The following FOXP1 variants were observed in gnomAD, a reference collection of about 807,000 sequenced individuals.
FOXP1 encodes the protein forkhead box P1.
FOXP1 carries 15 observed loss-of-function variants against 98.2 expected under a neutral mutation model. That is an observed-to-expected ratio of 0.15 (90% CI 0.10 to 0.24). The LOEUF (loss-of-function observed/expected upper bound fraction) is 0.24. FOXP1 is among the 10% of genes least tolerant of loss of function. The pLI, the probability that FOXP1 is intolerant of heterozygous loss-of-function variation, is 1.00. For missense variants in FOXP1, 633 were observed against 848.5 expected (o/e 0.75, Z 3.15); for synonymous variants, 371 against 314.5 (o/e 1.18, Z -1.90).
intron 4 of FOXP1, among the ~76,000 whole-genome samples, chr3:71,313,640 C>G (rs1453949417): frequency 6.6e-6 from 1 of 152,034 alleles, no homozygotes; most frequent in African/African-American, 2.4e-5. Context: ...ATTCTCCTGC[C>G]TCAGCCTCCC....
Position 71,015,327 on chromosome 3 carries a change from A to G in FOXP1, c.974+222T>C, listed in dbSNP as rs567225453. Among the ~76,000 whole-genome samples, 12 of 152,208 alleles carry G rather than the reference A, an allele frequency of 7.9e-5. 1 individual carries two copies. The South Asian group carries it at 2.5e-3, about 32-fold the overall frequency. ...AAATGGGTAAATATGGGCTCTTACT[A>G]AGACTTACGCCTTTGAATGTAAGCC... On this transcript the variant is annotated intron_variant, in intron 12 of 20. Coordinates refer to ENST00000649528, the MANE Select transcript of FOXP1 (RefSeq NM_001349338.3).
chr3:70,967,694 T>TTTTTGTTTTTG (rs1440567947), intron 19 of FOXP1, among the ~76,000 whole-genome samples: 3 of 109,682 alleles, frequency 2.7e-5, no homozygotes, highest in African/African-American at 8.5e-5. Context: ...TTTGTTTTTT[T>TTTTTGTTTTTG]TTTTTGTTTT....
upstream of FOXP1, chr3:71,583,784 TC>T (rs1248626123): frequency 3.0e-6 from 3 of 986,310 alleles, no homozygotes; most frequent in East Asian, 2.3e-4. Flanking sequence ...CGGACTAGCT[TC>T]CCGGAGCCCA....
Position 70,958,292 on chromosome 3 carries a change from G to GT in FOXP1, c.*954dup. The stretch of plus-strand genomic sequence containing the variant: ...CTGCTGCGTGGAATGAATCGGCATT[G>GT]TTCCTAGAGTTTGTCTCTCTTTTTT... On this transcript the variant is annotated 3_prime_UTR_variant, in exon 21 of 21. Coordinates refer to ENST00000649528, the MANE Select transcript of FOXP1 (RefSeq NM_001349338.3). 1.9e-6 allele frequency: 1 copy of GT among 534,818 alleles called. No homozygotes were observed. The highest frequency in any genetic ancestry group is 1.5e-5 in the South Asian group (1 of 65,176). 33.1% of individuals were successfully genotyped at this position (534,818 alleles called of 1,614,324 possible). A position where few individuals can be genotyped will look rare whatever the true frequency, so the allele number is the denominator to read the frequency against.
At chr3:71,374,223 A>G (rs575661331) in intron 3 of FOXP1, among the ~76,000 whole-genome samples, 2 of 152,372 alleles carry the variant, frequency 1.3e-5, no homozygotes, top group African/African-American at 4.8e-5. Context: ...ACTGAAACAC[A>G]GAAGTATTTC....
chr3:71,411,197 G>A (rs1290833056), intron 3 of FOXP1, among the ~76,000 whole-genome samples: 1 of 151,786 alleles, frequency 6.6e-6, no homozygotes, highest in African/African-American at 2.4e-5. Context: ...AGCTCCATTC[G>A]CTTCTTTCTT....
chr3:71,093,755 C>G (rs2056155517), intron 7 of FOXP1, among the ~76,000 whole-genome samples: 1 of 151,750 alleles, frequency 6.6e-6, no homozygotes, highest in Non-Finnish European at 1.5e-5. Flanking sequence ...TCCCAGAGGC[C>G]TTGCTCTCAG....
intron 5 of FOXP1, among the ~76,000 whole-genome samples, chr3:71,241,194 T>C (rs2067248375): frequency 6.6e-6 from 1 of 151,148 alleles, no homozygotes; most frequent in South Asian, 2.1e-4. Flanking sequence ...CAGGCGACAG[T>C]GTGAGATTCC....
intron 5 of FOXP1, among the ~76,000 whole-genome samples, chr3:71,276,833 A>G (rs1253203835): frequency 1.3e-5 from 2 of 152,180 alleles, no homozygotes; most frequent in East Asian, 3.8e-4. Flanking sequence ...CTACAGTGGT[A>G]CAGAACAACA....
intron 3 of FOXP1, among the ~76,000 whole-genome samples, chr3:71,489,127 C>A (rs1417032737): frequency 6.6e-6 from 1 of 152,052 alleles, no homozygotes; most frequent in Non-Finnish European, 1.5e-5. Context: ...CAAAACCGGT[C>A]ACGGAAAGTC....
At chr3:71,124,142 TA>T (rs397708537) in intron 6 of FOXP1, among the ~76,000 whole-genome samples, 52 of 150,118 alleles carry the variant, frequency 3.5e-4, no homozygotes, top group African/African-American at 1.1e-3. Flanking sequence ...TATATTTTTT[TA>T]AAAAAAAAAT....
intron 3 of FOXP1, among the ~76,000 whole-genome samples, chr3:71,361,069 A>C (rs921639553): frequency 6.6e-6 from 1 of 152,170 alleles, no homozygotes; most frequent in African/African-American, 2.4e-5. Context: ...ATATGAGTTT[A>C]ATGTGCTGTG....
At chr3:71,487,971 A>AT (rs1034841695) in intron 3 of FOXP1, among the ~76,000 whole-genome samples, 18 of 151,894 alleles carry the variant, frequency 1.2e-4, no homozygotes, top group South Asian at 2.1e-4. Context: ...AATTTAACAG[A>AT]TTTTTTTTTA....
At chr3:71,399,139 T>G (rs2108197086) in intron 3 of FOXP1, among the ~76,000 whole-genome samples, 1 of 152,344 alleles carries the variant, frequency 6.6e-6, no homozygotes, top group South Asian at 2.1e-4. Context: ...ATTATTTGGG[T>G]TTATGAAATT....
At chr3:71,066,984 C>A (rs2052595618) in intron 7 of FOXP1, among the ~76,000 whole-genome samples, 1 of 152,132 alleles carries the variant, frequency 6.6e-6, no homozygotes, top group African/African-American at 2.4e-5. Context: ...TACTCAACTA[C>A]TAAATTGCAC....
intron 2 of FOXP1, among the ~76,000 whole-genome samples, chr3:71,559,717 C>T (rs565347874): frequency 2.6e-5 from 4 of 152,258 alleles, no homozygotes; most frequent in East Asian, 1.9e-4. Flanking sequence ...CATGGTGGCA[C>T]GTGCCTGTAG....
At chr3:70,972,521 G>C (rs2107194460) in intron 18 of FOXP1, 34 bp downstream of exon 18, 2 of 1,613,962 alleles carry the variant, frequency 1.2e-6, no homozygotes, top group Non-Finnish European at 8.5e-7. Flanking sequence ...CACAATCCAA[G>C]CTAGGCTAAG....
At chr3:70,993,704 T>TA (rs2040945131) in intron 13 of FOXP1, among the ~76,000 whole-genome samples, 1 of 152,194 alleles carries the variant, frequency 6.6e-6, no homozygotes. Flanking sequence ...ATTTTTCTTT[T>TA]AAAAAGTGAC....
chr3:70,964,837 C>T (rs2034391396), intron 20 of FOXP1, among the ~76,000 whole-genome samples: 1 of 152,196 alleles, frequency 6.6e-6, no homozygotes, highest in Admixed American at 6.5e-5. Flanking sequence ...TTTCAGATTT[C>T]CACGTACCCT....
Sources: allele counts gnomAD v4.1 joint callset (sites outside exome capture counted in the v4.1 genomes callset), GRCh38; gene constraint gnomAD v4.1.1; transcripts MANE v1.5; gene names NCBI Gene and HGNC (gene_info 2026-07-23, HGNC 2026-07-21).